The following SLC8A1 variants were observed in gnomAD, a reference collection of about 807,000 sequenced individuals.
The protein encoded by SLC8A1 is sodium/calcium exchanger 1.
Under a neutral mutation model 68.3 loss-of-function variants are expected in SLC8A1, and 18 were observed. The ratio of observed to expected loss-of-function variants is 0.26; its 90% CI spans 0.18 to 0.39. The LOEUF is 0.39. Among genes scored for constraint, SLC8A1 ranks in the 10% least tolerant of loss-of-function variants. SLC8A1 has a pLI of 1.00. For missense variants in SLC8A1, 985 were observed against 1,156.7 expected (o/e 0.85, Z 2.15); for synonymous variants, 475 against 415.5 (o/e 1.14, Z -1.74).
intron 1 of SLC8A1, among the ~76,000 whole-genome samples, chr2:40,473,119 T>A (rs1704088400): frequency 6.6e-6 from 1 of 152,032 alleles, no homozygotes; most frequent in African/African-American, 2.4e-5. Flanking sequence ...AGTATAGTGT[T>A]CCCTGGCTGG....
At chr2:40,355,593 C>T (rs1672412451) in intron 2 of SLC8A1, among the ~76,000 whole-genome samples, 1 of 152,038 alleles carries the variant, frequency 6.6e-6, no homozygotes, top group Non-Finnish European at 1.5e-5. Context: ...AGATGTTGAG[C>T]CCACACTCTT....
chr2:40,307,160 CACACACACACAAACACAT>C (rs1288093957), intron 2 of SLC8A1, among the ~76,000 whole-genome samples: 1 of 151,272 alleles, frequency 6.6e-6, no homozygotes, highest in Non-Finnish European at 1.5e-5. Flanking sequence ...CACACACACA[CACACACACACAAACACAT>C]ACACACACAC....
chr2:40,228,882 A>G (rs2059312259), intron 2 of SLC8A1, among the ~76,000 whole-genome samples: 1 of 152,162 alleles, frequency 6.6e-6, no homozygotes, highest in Non-Finnish European at 1.5e-5. Context: ...TTTTGATTAT[A>G]TGGAAGTTAT....
At chr2:40,269,581 T>C (rs1381550592) in intron 2 of SLC8A1, among the ~76,000 whole-genome samples, 1 of 152,126 alleles carries the variant, frequency 6.6e-6, no homozygotes, top group Admixed American at 6.6e-5. Context: ...GGATGGAACA[T>C]TACATGATGA....
chr2:40,367,699 A>C (rs548063554), intron 2 of SLC8A1, among the ~76,000 whole-genome samples: 3 of 152,072 alleles, frequency 2.0e-5, no homozygotes, highest in Admixed American at 2.0e-4. Flanking sequence ...TCCAAAATGG[A>C]ATCTAATACT....
chr2:40,128,754 A>C (rs2038694017), intron 7 of SLC8A1, among the ~76,000 whole-genome samples: 1 of 152,244 alleles, frequency 6.6e-6, no homozygotes, highest in Non-Finnish European at 1.5e-5. Context: ...ATATACACAA[A>C]ACAATGAAGA....
At chr2:40,434,038 C>T (rs572536868) in intron 1 of SLC8A1, among the ~76,000 whole-genome samples, 136 of 152,276 alleles carry the variant, frequency 8.9e-4, no homozygotes, top group African/African-American at 3.2e-3. Flanking sequence ...CAACCTCTTC[C>T]TGCATGCACT....
intron 5 of SLC8A1, among the ~76,000 whole-genome samples, chr2:40,162,845 G>A (rs905427725): frequency 3.9e-5 from 6 of 152,266 alleles, no homozygotes; most frequent in African/African-American, 1.4e-4. Context: ...TCACACCATA[G>A]TAAATAAGAA....
At chr2:40,233,503 G>C (rs1466750538) in intron 2 of SLC8A1, among the ~76,000 whole-genome samples, 1 of 142,850 alleles carries the variant, frequency 7.0e-6, no homozygotes, top group Non-Finnish European at 1.5e-5. Flanking sequence ...TTAGCCCTTT[G>C]TCAGATGAGT....
chr2:40,261,619 G>A (rs2064709882), intron 2 of SLC8A1, among the ~76,000 whole-genome samples: 1 of 152,196 alleles, frequency 6.6e-6, no homozygotes, highest in African/African-American at 2.4e-5. Flanking sequence ...GTAGCTCTAT[G>A]TCAGCCATTC....
intron 2 of SLC8A1, among the ~76,000 whole-genome samples, chr2:40,187,235 T>C (rs1357525232): frequency 6.6e-6 from 1 of 152,206 alleles, no homozygotes; most frequent in Non-Finnish European, 1.5e-5. Flanking sequence ...ACTAGCAGGA[T>C]ACGCACAGGG....
intron 2 of SLC8A1, among the ~76,000 whole-genome samples, chr2:40,216,226 A>C (rs1349995647): frequency 6.6e-6 from 1 of 150,524 alleles, no homozygotes; most frequent in Non-Finnish European, 1.5e-5. Context: ...TCAATGTTCA[A>C]CTCCCCCTTA....
chr2:40,326,502 A>T (rs958917126), intron 2 of SLC8A1, among the ~76,000 whole-genome samples: 4 of 151,704 alleles, frequency 2.6e-5, no homozygotes, highest in Non-Finnish European at 5.9e-5. Flanking sequence ...ACTGTTAAAA[A>T]CCTTTCTTCT....
chr2:40,315,654 C>T (rs573532693), intron 2 of SLC8A1, among the ~76,000 whole-genome samples: 3 of 152,046 alleles, frequency 2.0e-5, no homozygotes, highest in African/African-American at 4.8e-5. Flanking sequence ...GGATCACATG[C>T]TCTTTAATGT....
At chr2:40,342,490 T>C (rs761069524) in intron 2 of SLC8A1, among the ~76,000 whole-genome samples, 2 of 143,790 alleles carry the variant, frequency 1.4e-5, no homozygotes, top group Non-Finnish European at 3.2e-5. Context: ...AAAAGAATAG[T>C]AGTAAAAAGT....
chr2:40,418,067 A>G (rs1389251452), intron 2 of SLC8A1, among the ~76,000 whole-genome samples: 1 of 152,204 alleles, frequency 6.6e-6, no homozygotes, highest in African/African-American at 2.4e-5. Flanking sequence ...ATAGCTATAG[A>G]AGTCATGAAA....
chr2:40,321,799 A>G (rs1008712596), intron 2 of SLC8A1, among the ~76,000 whole-genome samples: 52 of 152,224 alleles, frequency 3.4e-4, no homozygotes, highest in African/African-American at 1.2e-3. Flanking sequence ...TGGGAACTAC[A>G]ATTCAAGATA....
intron 2 of SLC8A1, among the ~76,000 whole-genome samples, chr2:40,320,368 T>A (rs1439952116): frequency 6.6e-6 from 1 of 152,182 alleles, no homozygotes; most frequent in Non-Finnish European, 1.5e-5. Context: ...CAAACCATTA[T>A]GTCCACTGCC....
At chr2:40,447,879 C>T (rs770501945) in intron 1 of SLC8A1, among the ~76,000 whole-genome samples, 3 of 152,208 alleles carry the variant, frequency 2.0e-5, no homozygotes, top group African/African-American at 7.2e-5. Context: ...AGAGCTTTTC[C>T]TCTTCCACAT....
Sources: allele counts gnomAD v4.1 joint callset (sites outside exome capture counted in the v4.1 genomes callset), GRCh38; gene constraint gnomAD v4.1.1; transcripts MANE v1.5; gene names NCBI Gene and HGNC (gene_info 2026-07-23, HGNC 2026-07-21).